The following ADGRL3 variants were observed in gnomAD, a reference collection of about 807,000 sequenced individuals.
The protein encoded by ADGRL3 is adhesion G protein-coupled receptor L3.
In ADGRL3, 62 loss-of-function variants were observed where a neutral mutation model predicts 153.5. The ratio of observed to expected loss-of-function variants is 0.40; its 90% CI spans 0.33 to 0.50. The LOEUF is 0.50. ADGRL3 is among the 20% of genes least tolerant of loss of function. The pLI, the probability that ADGRL3 is intolerant of heterozygous loss-of-function variation, is 0.47. For synonymous variants in ADGRL3, 710 were observed against 672.5 expected (o/e 1.06, Z -0.86); for missense variants, 1,641 against 1,859.4 (o/e 0.88, Z 2.16).
At chr4:61,748,597 C>T (rs112309048) in intron 8 of ADGRL3, among the ~76,000 whole-genome samples, 13,121 of 152,058 alleles carry the variant, frequency 0.086, 1,196 homozygotes, top group African/African-American at 0.23. Flanking sequence ...CTCAGAAAAA[C>T]AAGCAACGGG....
intron 1 of ADGRL3, among the ~76,000 whole-genome samples, chr4:61,236,057 T>C (rs551797582): frequency 5.2e-5 from 7 of 133,402 alleles, no homozygotes; most frequent in Admixed American, 2.7e-4. Context: ...TTGCCCAGGC[T>C]GGAGTGCAGT....
At chr4:61,393,281 T>C (rs1371005660) in intron 2 of ADGRL3, among the ~76,000 whole-genome samples, 3 of 152,106 alleles carry the variant, frequency 2.0e-5, no homozygotes, top group Admixed American at 6.6e-5. Context: ...GTCAATGATA[T>C]GCACATTTTT....
Position 61,541,773 on chromosome 4 carries a change from A to T in ADGRL3, c.259+24255A>T, listed in dbSNP as rs114880315. The stretch of plus-strand genomic sequence containing the variant: ...TCTTTCTCTCTTATCAAAGCAAATA[A>T]TCTGTAAAGAAAGGCAACCAACCAG... On this transcript the variant is annotated intron_variant, in intron 4 of 26. Coordinates refer to ENST00000683033, the MANE Select transcript of ADGRL3 (RefSeq NM_001387552.1). Among the ~76,000 whole-genome samples the T allele has an allele frequency of 1.7e-3, 252 of 151,872 alleles. 3 individuals are homozygous for T. Among genetic ancestry groups the T allele is most frequent in the African/African-American group, 5.7e-3 (237 of 41,436 alleles).
intron 24 of ADGRL3, among the ~76,000 whole-genome samples, chr4:62,038,863 C>A (rs1726613808): frequency 6.6e-6 from 1 of 152,072 alleles, no homozygotes; most frequent in Non-Finnish European, 1.5e-5. Flanking sequence ...CCTGCCTTGA[C>A]CTCCCAAAGT....
intron 9 of ADGRL3, among the ~76,000 whole-genome samples, chr4:61,822,430 A>C (rs970471777): frequency 6.6e-6 from 1 of 152,204 alleles, no homozygotes; most frequent in African/African-American, 2.4e-5. Context: ...CTTAATGATC[A>C]TGATTATCAT....
At chr4:61,497,093 A>T (rs1408083297) in intron 2 of ADGRL3, 28 bp from the exon 3 acceptor site, 1 of 549,388 alleles carries the variant, frequency 1.8e-6, no homozygotes, top group Non-Finnish European at 3.1e-6. Context: ...ATTTTATACA[A>T]TAACCCTTTT....
intron 5 of ADGRL3, among the ~76,000 whole-genome samples, chr4:61,618,946 A>C (rs2092288192): frequency 6.6e-6 from 1 of 152,130 alleles, no homozygotes; most frequent in African/African-American, 2.4e-5. Context: ...CGAACTCCTG[A>C]ACGCAAACCG....
chr4:61,729,498 C>T (rs2096404524), intron 6 of ADGRL3, among the ~76,000 whole-genome samples: 1 of 152,106 alleles, frequency 6.6e-6, no homozygotes, highest in South Asian at 2.1e-4. Context: ...GTATTTCTCA[C>T]TTGTTTTTGA....
At chr4:61,847,740 C>T (rs28638398) in intron 9 of ADGRL3, among the ~76,000 whole-genome samples, 8 of 27,726 alleles carry the variant, frequency 2.9e-4, no homozygotes, top group Admixed American at 1.5e-3. Context: ...ATATATAATA[C>T]AAAATATATT....
intron 4 of ADGRL3, among the ~76,000 whole-genome samples, chr4:61,521,897 GA>G (rs200654877): frequency 2.6e-4 from 39 of 149,728 alleles, no homozygotes; most frequent in African/African-American, 8.8e-4. Flanking sequence ...ATACAAATCT[GA>G]AAAAAAAACT....
intron 5 of ADGRL3, among the ~76,000 whole-genome samples, chr4:61,663,170 C>T (rs192480520): frequency 6.6e-6 from 1 of 152,308 alleles, no homozygotes; most frequent in Admixed American, 6.5e-5. Flanking sequence ...GAAAGACACT[C>T]CTTGCTCACT....
chr4:61,866,970 G>A (rs955963441), intron 9 of ADGRL3, among the ~76,000 whole-genome samples: 1 of 152,086 alleles, frequency 6.6e-6, no homozygotes, highest in Non-Finnish European at 1.5e-5. Flanking sequence ...TAAAGATTAT[G>A]CACAGACCGT....
chr4:62,074,057 T>C lies in ADGRL3; in HGVS notation c.*3149T>C, dbSNP rs1035249224. Reference sequence around the variant, plus strand: ...CTTTTTCTTCATATACATTTTCTTATAGAGCTATTGATGAATTAATTAATG... The same window carrying C: ...CTTTTTCTTCATATACATTTTCTTACAGAGCTATTGATGAATTAATTAATG... On this transcript the variant is annotated 3_prime_UTR_variant, in exon 27 of 27. Coordinates refer to ENST00000683033, the MANE Select transcript of ADGRL3 (RefSeq NM_001387552.1). 1 of 152,054 alleles carries C rather than the reference T, an allele frequency of 6.6e-6. No individual in the cohort carries two copies. The highest frequency in any genetic ancestry group is 1.5e-5 in the Non-Finnish European group (1 of 68,006). The allele number at this position is 152,054 out of a possible 1,614,324, so 9.4% of individuals were successfully genotyped here. A position where few individuals can be genotyped will look rare whatever the true frequency, so the allele number is the denominator to read the frequency against.
At chr4:61,249,534 A>G (rs1488285436) in intron 1 of ADGRL3, among the ~76,000 whole-genome samples, 1 of 140,836 alleles carries the variant, frequency 7.1e-6, no homozygotes, top group Non-Finnish European at 1.5e-5. Context: ...TCTACATTCC[A>G]TATTGCATGA....
intron 1 of ADGRL3, among the ~76,000 whole-genome samples, chr4:61,312,092 TAGAG>T (rs762614165): frequency 3.2e-4 from 49 of 151,992 alleles, no homozygotes; most frequent in Non-Finnish European, 5.9e-4. Flanking sequence ...TGGAACAAAA[TAGAG>T]AGTCCAGAAA....
Position 61,847,613 on chromosome 4 carries a change from A to ATATATATAATATAAAATATAT in ADGRL3, c.1480+33733_1480+33753dup, listed in dbSNP as rs1561350365. ...ATATATATATAATATATAATATATT[A>ATATATATAATATAAAATATAT]TATATATAATATAAAATATATTATA... is the stretch of plus-strand genomic sequence containing the variant. On this transcript the variant is annotated intron_variant, in intron 9 of 26. Coordinates refer to ENST00000683033, the MANE Select transcript of ADGRL3 (RefSeq NM_001387552.1). Among the ~76,000 whole-genome samples, 157 of 46,480 alleles carry ATATATATAATATAAAATATAT rather than the reference A, an allele frequency of 3.4e-3. 61 individuals are homozygous for ATATATATAATATAAAATATAT. Among genetic ancestry groups the ATATATATAATATAAAATATAT allele is most frequent in the Non-Finnish European group, 4.7e-3 (121 of 26,014 alleles). 30.5% of individuals were successfully genotyped at this position (46,480 alleles called of 152,430 possible).
intron 5 of ADGRL3, 103 bp downstream of exon 5, chr4:61,587,543 T>C: frequency 1.2e-6 from 1 of 866,184 alleles, no homozygotes; most frequent in South Asian, 1.9e-5. Flanking sequence ...TTATGTATTT[T>C]AGGACACTTC....
At chr4:61,445,422 C>A (rs2097571354) in intron 2 of ADGRL3, among the ~76,000 whole-genome samples, 1 of 152,158 alleles carries the variant, frequency 6.6e-6, no homozygotes, top group African/African-American at 2.4e-5. Context: ...TAATTTTTAA[C>A]AAAAGGAAGT....
chr4:61,310,821 C>G (rs2094972423), intron 1 of ADGRL3, among the ~76,000 whole-genome samples: 1 of 151,428 alleles, frequency 6.6e-6, no homozygotes, highest in African/African-American at 2.4e-5. Flanking sequence ...AATTGAATCA[C>G]CTCCGGCTGA....
Sources: allele counts gnomAD v4.1 joint callset (sites outside exome capture counted in the v4.1 genomes callset), GRCh38; gene constraint gnomAD v4.1.1; transcripts MANE v1.5; gene names NCBI Gene and HGNC (gene_info 2026-07-23, HGNC 2026-07-21).